The following ELP4 variants were observed in gnomAD, a reference collection of about 807,000 sequenced individuals.
ELP4 encodes the protein elongator acetyltransferase complex subunit 4.
A neutral mutation model predicts 48.9 loss-of-function variants in ELP4; 51 were observed. That is an observed-to-expected ratio of 1.04 (90% CI 0.83 to 1.32). ELP4 has a LOEUF of 1.32. Among genes scored for constraint, ELP4 ranks in the 40% most tolerant of loss-of-function variants. The pLI is 0.00. For synonymous variants in ELP4, 210 were observed against 189.2 expected (o/e 1.11, Z -0.90); for missense variants, 519 against 514.6 (o/e 1.01, Z -0.08).
chr11:31,576,239 A>G (rs1183289959), intron 3 of ELP4, among the ~76,000 whole-genome samples: 4 of 152,250 alleles, frequency 2.6e-5, no homozygotes, highest in Non-Finnish European at 5.9e-5. Flanking sequence ...AAGAAGAGCT[A>G]ACTATCCTAA....
rs888700015 is a variant in ELP4, at chr11:31,594,961, A to G, written c.513+60A>G. 4 of 1,444,134 alleles carry G rather than the reference A, an allele frequency of 2.8e-6. No individual in the cohort carries two copies. The African/African-American group carries it at 5.9e-5, about 21-fold the overall frequency. 89.5% of individuals were successfully genotyped at this position (1,444,134 alleles called of 1,614,324 possible). A position where few individuals can be genotyped will look rare whatever the true frequency, so the allele number is the denominator to read the frequency against. ...AAATGCATTTGTTTTCATCTTACAGAATCTCTTGTGGTATGCCTATATGTG... is the reference window on the plus strand; with the variant it reads ...AAATGCATTTGTTTTCATCTTACAGGATCTCTTGTGGTATGCCTATATGTG... On this transcript the variant is annotated intron_variant, in intron 4 of 9. Coordinates refer to ENST00000640961, the MANE Select transcript of ELP4 (RefSeq NM_019040.5).
At chr11:31,570,472 T>C in intron 3 of ELP4, among the ~76,000 whole-genome samples, 1 of 150,588 alleles carries the variant, frequency 6.6e-6, no homozygotes, top group Non-Finnish European at 1.5e-5. Context: ...ATACCTTTTT[T>C]TTTTTTTTTT....
At chr11:31,734,521 T>C (rs1320719718) in intron 9 of ELP4, among the ~76,000 whole-genome samples, 2 of 152,208 alleles carry the variant, frequency 1.3e-5, no homozygotes, top group African/African-American at 2.4e-5. Context: ...GTTGCTGGAT[T>C]GAAAAGACAA....
chr11:31,712,769 A>G (rs189518886), intron 9 of ELP4, among the ~76,000 whole-genome samples: 3 of 152,252 alleles, frequency 2.0e-5, no homozygotes, highest in Non-Finnish European at 4.4e-5. Flanking sequence ...ATTACCTTTG[A>G]AAAAAACAGT....
At chr11:31,646,390 C>G (rs532799988) in intron 7 of ELP4, 1 of 151,782 alleles carries the variant, frequency 6.6e-6, no homozygotes, top group East Asian at 2.0e-4. Context: ...AAATACTGCT[C>G]TAGGTGTGAG....
At chr11:31,626,730 C>G (rs1250791302) in intron 5 of ELP4, among the ~76,000 whole-genome samples, 3 of 151,788 alleles carry the variant, frequency 2.0e-5, no homozygotes, top group Non-Finnish European at 4.4e-5. Context: ...GTGTACTTGG[C>G]ATAGCAGTTC....
intron 4 of ELP4, chr11:31,599,956 A>G (rs1957749170): frequency 6.6e-6 from 1 of 152,124 alleles, no homozygotes; most frequent in South Asian, 2.1e-4. Flanking sequence ...TGTTTTCTTT[A>G]TTTTACTTGG....
chr11:31,666,118 C>T lies in ELP4; in HGVS notation c.1143+15897C>T, dbSNP rs1238423536. ...CTGCCTCCTGGGTTCAAGCAATTCT[C>T]GTGCCTCAGCCTCCCGAGTAGCTGG... On this transcript the variant is annotated intron_variant, in intron 9 of 9. Transcript: ENST00000640961. Among the ~76,000 whole-genome samples the T allele has an allele frequency of 5.6e-5, 8 of 142,668 alleles. No individual in the cohort carries two copies. The Admixed American group carries it at 6.1e-4, about 11-fold the overall frequency. 93.6% of individuals were successfully genotyped at this position (142,668 alleles called of 152,430 possible).
At chr11:31,581,712 C>G (rs1322543606) in intron 3 of ELP4, among the ~76,000 whole-genome samples, 1 of 151,378 alleles carries the variant, frequency 6.6e-6, no homozygotes, top group Non-Finnish European at 1.5e-5. Context: ...ACCTCCTAAA[C>G]TATTCCTCTA....
At chr11:31,588,397 TC>T (rs1357979992) in intron 3 of ELP4, among the ~76,000 whole-genome samples, 1 of 152,142 alleles carries the variant, frequency 6.6e-6, no homozygotes, top group South Asian at 2.1e-4. Context: ...ACTGGTAAAC[TC>T]CTAACTTCCC....
chr11:31,649,570 T>C (rs1945277843), intron 8 of ELP4: 1 of 151,736 alleles, frequency 6.6e-6, no homozygotes, highest in Non-Finnish European at 1.5e-5. Flanking sequence ...TGTCTTGGGA[T>C]GGCATAGGGG....
intron 9 of ELP4, among the ~76,000 whole-genome samples, chr11:31,754,830 C>CAGAG: frequency 6.6e-6 from 1 of 152,136 alleles, no homozygotes; most frequent in South Asian, 2.1e-4. Context: ...CAAGATCACG[C>CAGAG]CATTATACTT....
intron 3 of ELP4, among the ~76,000 whole-genome samples, chr11:31,557,003 T>C (rs1411482949): frequency 1.3e-5 from 2 of 151,914 alleles, no homozygotes. Context: ...AGAAAATCTT[T>C]CATAATTGAA....
At chr11:31,780,306 C>T (rs1948342995) in intron 9 of ELP4, among the ~76,000 whole-genome samples, 1 of 152,152 alleles carries the variant, frequency 6.6e-6, no homozygotes, top group African/African-American at 2.4e-5. Context: ...CCTGATCTCT[C>T]GTTCTTCCTC....
intron 9 of ELP4, among the ~76,000 whole-genome samples, chr11:31,733,491 A>T (rs1947240231): frequency 6.6e-6 from 1 of 151,364 alleles, no homozygotes; most frequent in South Asian, 2.1e-4. Flanking sequence ...AAAAAAAAAA[A>T]AAAAGGAAAG....
At chr11:31,731,765 T>C (rs1436244067) in intron 9 of ELP4, among the ~76,000 whole-genome samples, 1 of 151,954 alleles carries the variant, frequency 6.6e-6, no homozygotes, top group African/African-American at 2.4e-5. Flanking sequence ...CACATTATAA[T>C]CAAACTGTCA....
chr11:31,622,193 C>T (rs1364015785), intron 5 of ELP4, among the ~76,000 whole-genome samples: 1 of 151,784 alleles, frequency 6.6e-6, no homozygotes, highest in Non-Finnish European at 1.5e-5. Context: ...CACTTATCAA[C>T]AAGTTATTTT....
chr11:31,510,665 C>T (rs1955975870), intron 1 of ELP4: 2 of 317,676 alleles, frequency 6.3e-6, no homozygotes, highest in South Asian at 1.6e-4. Context: ...GTATTGATTG[C>T]TGCTACATTC....
chr11:31,558,642 C>G (rs2133938406), intron 3 of ELP4, among the ~76,000 whole-genome samples: 1 of 152,216 alleles, frequency 6.6e-6, no homozygotes, highest in African/African-American at 2.4e-5. Flanking sequence ...AGTCACTTAG[C>G]CTTTTATATT....
Sources: allele counts gnomAD v4.1 joint callset (sites outside exome capture counted in the v4.1 genomes callset), GRCh38; gene constraint gnomAD v4.1.1; transcripts MANE v1.5; gene names NCBI Gene and HGNC (gene_info 2026-07-23, HGNC 2026-07-21).